The following FSTL4 variants were observed in gnomAD, a reference collection of about 807,000 sequenced individuals.
FSTL4 encodes follistatin-related protein 4.
Under a neutral mutation model 78.2 loss-of-function variants are expected in FSTL4, and 28 were observed. The observed-to-expected ratio is 0.36, with a 90% CI of 0.27 to 0.49. The LOEUF (loss-of-function observed/expected upper bound fraction) is 0.49, where lower values mean the gene tolerates loss of function less well. Ranked by LOEUF, FSTL4 falls within the 20% of genes least tolerant of loss-of-function variation. The pLI is 0.98. For missense variants in FSTL4, 922 were observed against 1,084.9 expected, an observed-to-expected ratio of 0.85 and a Z score of 2.11; for synonymous variants, 422 against 440.5, an observed-to-expected ratio of 0.96 and a Z score of 0.53.
At chr5:133,754,424 A>G in the FSTL4 span, among the ~76,000 whole-genome samples, 20 of 152,338 alleles carry the variant, frequency 1.3e-4, no homozygotes, top group East Asian at 3.7e-3. Context: ...GTCCACGTAA[A>G]TTGGATTTGA....
chr5:133,696,947 T>C, the FSTL4 span, among the ~76,000 whole-genome samples: 12 of 152,288 alleles, frequency 7.9e-5, no homozygotes, highest in South Asian at 2.3e-3. Flanking sequence ...AGCTTGCCTG[T>C]AGGAGAGGAG....
At position 133,603,937 on chromosome 5, in the gene FSTL4, G is replaced by A. The variant is rs1164128467; in HGVS notation, c.47C>T (p.Ser16Phe). ...FWLHLTLLGA[S>F]LPAALGWMDP... ...CATCCATCCCAGCGCAGCCGGCAGG[G>A]AGGCTCCGAGCAGTGTGAGATGCAG... The change falls in exon 2 of 16, where the codon TCC becomes TTC. Residue 16 changes from serine to phenylalanine, a missense_variant. Coordinates refer to ENST00000265342, the MANE Select transcript of FSTL4 (RefSeq NM_015082.2). 2 of 1,613,766 alleles carry A rather than the reference G, an allele frequency of 1.2e-6. No individual in the cohort carries two copies. The highest frequency in any genetic ancestry group is 1.7e-5 in the Admixed American group (1 of 60,032).
At chr5:133,284,346 T>C (rs1274300564) in intron 6 of FSTL4, among the ~76,000 whole-genome samples, 1 of 152,152 alleles carries the variant, frequency 6.6e-6, no homozygotes. Context: ...TTAGAGTGAG[T>C]CAAGTCATTA....
chr5:133,312,673 G>T lies in FSTL4; in HGVS notation c.708C>A (p.Arg236=), dbSNP rs142789230. The T allele has an allele frequency of 5.2e-5, 84 of 1,613,890 alleles. No individual in the cohort carries two copies. Among genetic ancestry groups the T allele is most frequent in the Non-Finnish European group, 6.9e-5 (82 of 1,179,904 alleles). ...ACTTACGGAAGGCCATGTAGAACTC[G>T]CGGAGGGTCAGGGAGCTGTCACTGT... is the stretch of plus-strand genomic sequence containing the variant. The part of the protein sequence containing the change: ...DYNSDSSLTL[R]EFYMAFQVVQ... The change falls in exon 6 of 16, where the codon CGC becomes CGA. Residue 236 remains arginine (R), a synonymous_variant. Transcript: ENST00000265342.
chr5:133,530,600 G>C (rs183278459), intron 3 of FSTL4, among the ~76,000 whole-genome samples: 4 of 152,338 alleles, frequency 2.6e-5, no homozygotes, highest in East Asian at 1.9e-4. Flanking sequence ...ATAATATCTT[G>C]CATGTGTCCT....
chr5:133,294,124 AC>A (rs1753331428), intron 6 of FSTL4, among the ~76,000 whole-genome samples: 1 of 151,712 alleles, frequency 6.6e-6, no homozygotes, highest in Non-Finnish European at 1.5e-5. Flanking sequence ...GCTGTGTTAC[AC>A]CCTCCTCTCA....
chr5:133,677,927 AT>A, the FSTL4 span, among the ~76,000 whole-genome samples: 1 of 152,208 alleles, frequency 6.6e-6, no homozygotes, highest in African/African-American at 2.4e-5. Context: ...TTTTTAAATC[AT>A]TTTTTAATTG....
intron 3 of FSTL4, among the ~76,000 whole-genome samples, chr5:133,495,334 G>A (rs1758347664): frequency 6.6e-6 from 1 of 152,210 alleles, no homozygotes; most frequent in Admixed American, 6.5e-5. Flanking sequence ...GGAGAAAGGA[G>A]CAAGGATCCC....
At chr5:133,556,775 C>T (rs577483945) in intron 3 of FSTL4, among the ~76,000 whole-genome samples, 4 of 152,062 alleles carry the variant, frequency 2.6e-5, no homozygotes, top group African/African-American at 7.2e-5. Flanking sequence ...GCCAGCCCAG[C>T]GAGCCTCCAC....
intron 3 of FSTL4, among the ~76,000 whole-genome samples, chr5:133,548,029 G>A (rs897634576): frequency 6.6e-6 from 1 of 152,186 alleles, no homozygotes; most frequent in African/African-American, 2.4e-5. Context: ...TGTGCCAGGA[G>A]AACAATGTAG....
chr5:133,696,685 C>T, the FSTL4 span, among the ~76,000 whole-genome samples: 1 of 152,224 alleles, frequency 6.6e-6, no homozygotes, highest in African/African-American at 2.4e-5. Flanking sequence ...GACAGATTCC[C>T]CAGGTGGCTC....
rs566535090 is a variant in FSTL4, at chr5:133,199,479, C to T, written c.2145G>A (p.Glu715=). The part of the protein sequence containing the change: ...AADSPWLHVQ[E]ITVRGEIQTL... ...TCTGGATCTCGCCCCGCACTGTGATCTCCTGCACGTGCAGCCAGGGGCTGT... is the reference window on the plus strand; with the variant it reads ...TCTGGATCTCGCCCCGCACTGTGATTTCCTGCACGTGCAGCCAGGGGCTGT... The change falls in exon 16 of 16, where the codon GAG becomes GAA. Residue 715 remains glutamate, a synonymous_variant. Coordinates refer to ENST00000265342, the MANE Select transcript of FSTL4 (RefSeq NM_015082.2). The surrounding 1 kb of genome is among the most constrained non-coding windows in gnomAD (Gnocchi z 4.4). The T allele has an allele frequency of 2.8e-5, 46 of 1,614,226 alleles. No homozygotes were observed. The South Asian group carries it at 4.6e-4, about 16-fold the overall frequency.
chr5:133,784,476 T>C, the FSTL4 span, among the ~76,000 whole-genome samples: 3 of 152,216 alleles, frequency 2.0e-5, no homozygotes, highest in African/African-American at 7.2e-5. Flanking sequence ...ATTCATGTTA[T>C]AAGCATAATG....
Position 133,198,159 on chromosome 5 carries a change from C to T in FSTL4, c.*936G>A, listed in dbSNP as rs951403792. ...GCCACCCATACCTTGCCAGGCAAGC[C>T]CAGTCTGCCCTGAATCTGGGGTACC... On this transcript the variant is annotated 3_prime_UTR_variant, in exon 16 of 16. Transcript: ENST00000265342. The T allele has an allele frequency of 6.6e-6, 1 of 152,636 alleles. No individual in the cohort carries two copies. Among genetic ancestry groups the T allele is most frequent in the Admixed American group, 6.5e-5 (1 of 15,286 alleles). The allele number at this position is 152,636 out of a possible 1,614,324, so 9.5% of individuals were successfully genotyped here.
the FSTL4 span, among the ~76,000 whole-genome samples, chr5:133,785,967 T>G: frequency 6.6e-6 from 1 of 152,196 alleles, no homozygotes; most frequent in Non-Finnish European, 1.5e-5. Context: ...AGGACACCTT[T>G]GGGGGATTTT....
At chr5:133,750,408 C>T in the FSTL4 span, among the ~76,000 whole-genome samples, 18 of 152,170 alleles carry the variant, frequency 1.2e-4, no homozygotes, top group Non-Finnish European at 2.2e-4. Context: ...AGGACATCTG[C>T]CATTTATGAA....
chr5:133,705,551 T>C, the FSTL4 span, among the ~76,000 whole-genome samples: 1 of 152,048 alleles, frequency 6.6e-6, no homozygotes, highest in Non-Finnish European at 1.5e-5. Context: ...CATAAATCCT[T>C]CTCACAGGAC....
At chr5:133,237,815 G>A (rs1168346379) in intron 7 of FSTL4, among the ~76,000 whole-genome samples, 5 of 150,934 alleles carry the variant, frequency 3.3e-5, no homozygotes, top group East Asian at 2.0e-4. Context: ...TGCTATCAAC[G>A]CTTGATTGCA....
At chr5:133,465,011 C>T (rs1231386176) in intron 3 of FSTL4, among the ~76,000 whole-genome samples, 1 of 152,152 alleles carries the variant, frequency 6.6e-6, no homozygotes, top group Non-Finnish European at 1.5e-5. Context: ...GTGCTCGACA[C>T]CTTCGTTTAT....
Sources: gnomAD v4.1 joint callset for allele counts (sites outside exome capture counted in the v4.1 genomes callset) on GRCh38, gnomAD v4.1.1 for gene constraint, Gnocchi (gnomAD v3.1) non-coding constraint, MANE v1.5 for transcripts, NCBI Gene and HGNC (gene_info 2026-07-23, HGNC 2026-07-21) for gene names.